Variants in ASIC2 observed in about 807,000 individuals in gnomAD.
ASIC2 encodes acid sensing ion channel subunit 2.
A neutral mutation model predicts 57.3 loss-of-function variants in ASIC2; 25 were observed. The observed-to-expected ratio is 0.44, with a 90% confidence interval of 0.32 to 0.61. The LOEUF is 0.61. ASIC2 is among the 20% of genes least tolerant of loss of function. ASIC2 has a pLI of 0.06. For synonymous variants in ASIC2, 319 were observed against 307.5 expected (o/e 1.04, Z -0.39); for missense variants, 641 against 738.1 (o/e 0.87, Z 1.52).
At chr17:33,600,929 C>T (rs765685156) in intron 1 of ASIC2, among the ~76,000 whole-genome samples, 4 of 152,156 alleles carry the variant, frequency 2.6e-5, no homozygotes, top group Non-Finnish European at 5.9e-5. Context: ...TTGCAAATAA[C>T]TTGATGACAC....
intron 1 of ASIC2, among the ~76,000 whole-genome samples, chr17:33,867,467 A>G (rs1914272838): frequency 6.6e-6 from 1 of 152,264 alleles, no homozygotes. Context: ...CAGCTAGTCC[A>G]GGAAGAGTAA....
chr17:33,966,834 T>G (rs956165725), intron 1 of ASIC2, among the ~76,000 whole-genome samples: 3 of 152,242 alleles, frequency 2.0e-5, no homozygotes, highest in African/African-American at 7.2e-5. Context: ...TTCCGCAATC[T>G]GGAAATGTGC....
At chr17:33,256,867 C>T (rs1486678419) in intron 1 of ASIC2, among the ~76,000 whole-genome samples, 1 of 152,126 alleles carries the variant, frequency 6.6e-6, no homozygotes, top group Non-Finnish European at 1.5e-5. Flanking sequence ...AGCTGTTTAC[C>T]AGTTCCTGTT....
intron 1 of ASIC2, among the ~76,000 whole-genome samples, chr17:33,715,723 A>G (rs532722138): frequency 1.3e-5 from 2 of 152,296 alleles, no homozygotes; most frequent in African/African-American, 4.8e-5. Context: ...TTCCAATGGC[A>G]TCTTTTCCAT....
chr17:33,020,177 G>A (rs2091829392), intron 7 of ASIC2, among the ~76,000 whole-genome samples: 1 of 152,150 alleles, frequency 6.6e-6, no homozygotes. Flanking sequence ...CACACCAGCT[G>A]AGCCCTGGGT....
chr17:33,373,886 C>T (rs1403788219), intron 1 of ASIC2, among the ~76,000 whole-genome samples: 2 of 152,208 alleles, frequency 1.3e-5, no homozygotes, highest in Non-Finnish European at 2.9e-5. Flanking sequence ...CCATGTTGGC[C>T]AGACTGCTCT....
chr17:33,389,595 A>T (rs1166651296), intron 1 of ASIC2, among the ~76,000 whole-genome samples: 1 of 152,224 alleles, frequency 6.6e-6, no homozygotes, highest in African/African-American at 2.4e-5. Context: ...GAGGCTGGGT[A>T]GGAAATTAAT....
At chr17:33,020,997 T>C (rs920606838) in intron 7 of ASIC2, among the ~76,000 whole-genome samples, 1 of 152,086 alleles carries the variant, frequency 6.6e-6, no homozygotes, top group Non-Finnish European at 1.5e-5. Flanking sequence ...GAAGCCAAGA[T>C]TGGGGAATAA....
At chr17:33,102,870 G>A (rs541778374) in intron 2 of ASIC2, among the ~76,000 whole-genome samples, 29 of 152,196 alleles carry the variant, frequency 1.9e-4, no homozygotes, top group East Asian at 1.2e-3. Context: ...TGCAAGCTCC[G>A]CCTTCCAGGT....
intron 1 of ASIC2, among the ~76,000 whole-genome samples, chr17:33,586,560 G>T (rs543707296): frequency 6.6e-6 from 1 of 152,074 alleles, no homozygotes; most frequent in African/African-American, 2.4e-5. Flanking sequence ...ACATATTCTT[G>T]TCTCCCTTGT....
chr17:33,173,109 A>G (rs181885840), intron 1 of ASIC2, among the ~76,000 whole-genome samples: 4 of 152,272 alleles, frequency 2.6e-5, no homozygotes, highest in East Asian at 1.9e-4. Context: ...TACGTGCTCC[A>G]TATATTTCAT....
intron 1 of ASIC2, among the ~76,000 whole-genome samples, chr17:33,418,024 A>ATATG (rs772080220): frequency 0.027 from 2,956 of 110,286 alleles, 115 homozygotes; most frequent in African/African-American, 0.058. Context: ...CTCAGCATGT[A>ATATG]TGTATGTGTG....
chr17:33,992,573 T>A (rs1248204659), intron 1 of ASIC2, among the ~76,000 whole-genome samples: 1 of 152,190 alleles, frequency 6.6e-6, no homozygotes, highest in African/African-American at 2.4e-5. Context: ...TCCACAAGTG[T>A]GTTGGAGCTA....
chr17:33,038,704 C>G (rs2091918926), intron 3 of ASIC2, among the ~76,000 whole-genome samples: 1 of 152,226 alleles, frequency 6.6e-6, no homozygotes, highest in Non-Finnish European at 1.5e-5. Context: ...TTTCATTGCT[C>G]CACTGTCTGG....
intron 1 of ASIC2, among the ~76,000 whole-genome samples, chr17:33,747,262 G>A (rs1177005784): frequency 7.6e-6 from 1 of 132,122 alleles, no homozygotes. Flanking sequence ...CTAGCTCTGT[G>A]ATCCAGGCTG....
At chr17:33,042,607 T>C (rs1243115664) in intron 3 of ASIC2, among the ~76,000 whole-genome samples, 3 of 152,242 alleles carry the variant, frequency 2.0e-5, no homozygotes, top group Non-Finnish European at 4.4e-5. Flanking sequence ...TTGTCTCTGT[T>C]GGATACCTGG....
In ASIC2 at chr17:33,161,857, G is replaced by GTT. The variant is rs199823485; in HGVS notation, c.709-49792_709-49791dup. Among the ~76,000 whole-genome samples, 328 of 94,202 alleles carry GTT rather than the reference G, an allele frequency of 3.5e-3. 9 individuals are homozygous for GTT. Among genetic ancestry groups the GTT allele is most frequent in the Non-Finnish European group, 5.0e-3 (242 of 48,536 alleles). The allele number at this position is 94,202 out of a possible 152,430, so 61.8% of individuals were successfully genotyped here. On this transcript the variant is annotated intron_variant, in intron 1 of 9. Coordinates refer to ENST00000225823, the MANE Select transcript of ASIC2 (RefSeq NM_183377.2). The stretch of plus-strand genomic sequence containing the variant: ...TAAGTAATAAAGCCAGAATTCCTAG[G>GTT]TTTTTTTTTTTTTTTTTTTTTTTTT...
chr17:33,449,526 C>T (rs1225265429), intron 1 of ASIC2, among the ~76,000 whole-genome samples: 1 of 152,150 alleles, frequency 6.6e-6, no homozygotes, highest in Non-Finnish European at 1.5e-5. Context: ...GTTGCAAATA[C>T]CTGGACACAA....
At chr17:33,364,139 T>C (rs77450796) in intron 1 of ASIC2, among the ~76,000 whole-genome samples, 3,358 of 152,212 alleles carry the variant, frequency 0.022, 44 homozygotes, top group Middle Eastern at 0.058. Context: ...GAACTCATAG[T>C]CTAGGGCTCT....
Sources: gnomAD v4.1 joint callset for allele counts (sites outside exome capture counted in the v4.1 genomes callset) on GRCh38, gnomAD v4.1.1 for gene constraint, MANE v1.5 for transcripts, NCBI Gene and HGNC (gene_info 2026-07-23, HGNC 2026-07-21) for gene names.